RBCK1: variants seen among roughly 807,000 people sequenced by gnomAD.
RBCK1 encodes the protein RANBP2-type and C3HC4-type zinc finger containing 1, also known as ranBP-type and C3HC4-type zinc finger-containing protein 1.
In RBCK1, 44 loss-of-function variants were observed where a neutral mutation model predicts 71.1. The observed-to-expected ratio is 0.62, with a 90% CI of 0.49 to 0.80. RBCK1 has a LOEUF of 0.80. Among genes scored for constraint, RBCK1 ranks in the 30% least tolerant of loss-of-function variants. The probability of loss-of-function intolerance (pLI) is 0.00; values close to 1 mark genes in which losing one functional copy is unlikely to be tolerated. For missense variants in RBCK1, 569 were observed against 685.0 expected (o/e 0.83, Z 1.89); for synonymous variants, 306 against 279.7 (o/e 1.09, Z -0.94).
rs758447834 is a variant in RBCK1 at position 430,457 on chromosome 20, AC to A, written c.*30del. On this transcript the variant is annotated 3_prime_UTR_variant, in exon 12 of 12. Coordinates refer to ENST00000356286, the MANE Select transcript of RBCK1 (RefSeq NM_031229.4). The surrounding 1 kb of genome is among the most constrained non-coding windows in gnomAD (Gnocchi z 5.6). ...CTAAAGATGGTGGGGCCACATGCTG[AC>A]CCAGCCCCACATCCACATTCTGTTA... 1.5e-5 allele frequency: 23 copies of A among 1,565,036 alleles called. No homozygotes were observed. In the South Asian group the frequency reaches 2.4e-4, roughly 17 times the overall value.
In RBCK1 at chr20:430,574, GC is replaced by G; in HGVS notation, c.*148del. 1 of 771,724 alleles carries G rather than the reference GC, an allele frequency of 1.3e-6. No homozygotes were observed. The highest frequency in any genetic ancestry group is 1.7e-5 in the South Asian group (1 of 60,264). 47.8% of individuals were successfully genotyped at this position (771,724 alleles called of 1,614,324 possible). ...ACTGCGGTTGTCCACGGTCACATCT[GC>G]CCCAGTGCCTTTGTCCTTCCCTTGG... On this transcript the variant is annotated 3_prime_UTR_variant, in exon 12 of 12. Transcript: ENST00000356286. This position sits in a 1 kb window ranked among gnomAD's most constrained non-coding sequence, Gnocchi z 5.6.
intron 11 of RBCK1, 34 bp downstream of exon 11, chr20:429,128 G>A (rs367588385): frequency 1.9e-6 from 3 of 1,584,430 alleles, no homozygotes; most frequent in Non-Finnish European, 2.6e-6. Flanking sequence ...TGGAGAGGGT[G>A]CCCTTGTGGG....
chr20:420,587 C>G, intron 6 of RBCK1: 1 of 981,410 alleles, frequency 1.0e-6, no homozygotes, highest in Non-Finnish European at 1.2e-6. Flanking sequence ...GGCTACCTGG[C>G]CGGCCTCCCC....
chr20:427,287 G>C (rs2016777717), intron 8 of RBCK1, 26 bp from the exon 9 acceptor site: 1 of 1,610,620 alleles, frequency 6.2e-7, no homozygotes, highest in Non-Finnish European at 8.5e-7. Context: ...TGAATCCTGA[G>C]CAGCAAGGAC....
Position 429,004 on chromosome 20 carries a change from A to T in RBCK1, c.1362A>T (p.Val454=). ...AMRCPQCQIV[V]QKKDGCDWIR... ...GCTGCCCCCAGTGCCAGATCGTGGTACAGAAGAAGGACGGCTGCGACTGGA... is the reference window on the plus strand; with the variant it reads ...GCTGCCCCCAGTGCCAGATCGTGGTTCAGAAGAAGGACGGCTGCGACTGGA... The change falls in exon 11 of 12, where the codon GTA becomes GTT. Residue 454 remains valine (V), a synonymous_variant. Transcript: ENST00000356286. 6.2e-7 allele frequency: 1 copy of T among 1,612,228 alleles called. No individual in the cohort carries two copies.
intron 6 of RBCK1, chr20:420,545 C>T (rs2016328172): frequency 1.0e-6 from 1 of 983,726 alleles, no homozygotes. Flanking sequence ...CCTTACCTTG[C>T]TGCCATTGCT....
chr20:427,528 G>A (rs2016797031), intron 9 of RBCK1, 36 bp downstream of exon 9: 2 of 1,607,970 alleles, frequency 1.2e-6, no homozygotes, highest in Non-Finnish European at 1.7e-6. Flanking sequence ...CCTAGTCACT[G>A]TCATCTTGCC....
In RBCK1 at chr20:417,949, C is replaced by T; in HGVS notation, c.460+19C>T. 1.3e-6 allele frequency: 2 copies of T among 1,595,372 alleles called. No homozygotes were observed. Among genetic ancestry groups the T allele is most frequent in the Non-Finnish European group, 1.7e-6 (2 of 1,175,988 alleles). On this transcript the variant is annotated intron_variant, in intron 4 of 11. Transcript: ENST00000356286. This position sits in a 1 kb window ranked among gnomAD's most constrained non-coding sequence, Gnocchi z 4.7. ...CTGGAAGGTGAGGCTCTGCCCTGAG[C>T]ACCGCCGGACCCAGCGGGGGCCCTG...
rs941956795 is a variant in RBCK1 at position 431,783 on chromosome 20, G to A, written c.*1353G>A. Among the ~76,000 whole-genome samples the A allele has an allele frequency of 6.6e-6, 1 of 152,206 alleles. No homozygotes were observed. Among genetic ancestry groups the A allele is most frequent in the Non-Finnish European group, 1.5e-5 (1 of 68,036 alleles). ...GCTCAGGGCAGTCAACCGTCGCAGA[G>A]GATGAGGGGCACACTCAGGCAGCCT... On this transcript the variant is annotated 3_prime_UTR_variant, in exon 12 of 12. Coordinates refer to ENST00000356286, the MANE Select transcript of RBCK1 (RefSeq NM_031229.4). This position sits in a 1 kb window ranked among gnomAD's most constrained non-coding sequence, Gnocchi z 4.8.
rs375018967 is a variant in RBCK1, at chr20:419,417, C to G, written c.531C>G (p.Val177=). The G allele has an allele frequency of 1.9e-6, 3 of 1,609,468 alleles. No homozygotes were observed. The Admixed American group carries it at 5.1e-5, about 27-fold the overall frequency. ...AGCCAGGCCCCCCAAAGCCCGGGGT[C>G]CCCCAGGAACCCGGACGGGGGCAGC... ...PLEPGPPKPG[V]PQEPGRGQPD... The change falls in exon 5 of 12, where the codon GTC becomes GTG. Residue 177 remains valine, a synonymous_variant. Coordinates refer to ENST00000356286, the MANE Select transcript of RBCK1 (RefSeq NM_031229.4).
At chr20:418,081 A>G (rs1272020862) in intron 4 of RBCK1, 151 bp downstream of exon 4, 4 of 753,466 alleles carry the variant, frequency 5.3e-6, no homozygotes, top group South Asian at 2.0e-5. Flanking sequence ...CCTAAGACAC[A>G]TGGGAGGGAG....
chr20:420,422 G>T lies in RBCK1; in HGVS notation c.757-449G>T, dbSNP rs1351663219. 6.1e-6 allele frequency: 6 copies of T among 982,892 alleles called. No homozygotes were observed. The African/African-American group carries it at 8.9e-5, about 15-fold the overall frequency. The allele number at this position is 982,892 out of a possible 1,614,324, so 60.9% of individuals were successfully genotyped here. ...CCCTGGCCACCCCACTCCTGTTCCCGTCTCAGCTCCTCGGCTTCGTCACTT... is the reference window on the plus strand; with the variant it reads ...CCCTGGCCACCCCACTCCTGTTCCCTTCTCAGCTCCTCGGCTTCGTCACTT... On this transcript the variant is annotated intron_variant, in intron 6 of 11. Transcript: ENST00000356286.
At chr20:426,816 C>CTTTTTTTTTTTTTTTTTTTTTTTTTTTTT (rs768525416) in intron 8 of RBCK1, among the ~76,000 whole-genome samples, 1 of 95,508 alleles carries the variant, frequency 1.0e-5, no homozygotes, top group African/African-American at 5.3e-5. Flanking sequence ...TTTTCTTTTC[C>CTTTTTTTTTTTTTTTTTTTTTTTTTTTTT]TTTTTTTTTT....
chr20:418,426 T>C (rs1015184772), intron 4 of RBCK1, among the ~76,000 whole-genome samples: 3 of 152,140 alleles, frequency 2.0e-5, no homozygotes, highest in Non-Finnish European at 2.9e-5. Flanking sequence ...TGGAGTGCAG[T>C]GGCACAATCT....
chr20:421,022 C>G lies in RBCK1; in HGVS notation c.908C>G (p.Thr303Ser). The change falls in exon 7 of 12, where the codon ACC (threonine) becomes AGC (serine). Residue 303 changes from threonine to serine, a missense_variant. Thr to Ser is a moderately conservative substitution (Grantham distance 58, BLOSUM62 1). Coordinates refer to ENST00000356286, the MANE Select transcript of RBCK1 (RefSeq NM_031229.4). ...GTGGTGCTGCGTGAGTGTCTGCACA[C>G]CTTCTGCAGGTGCGGCCCCCAGTCC... Reference protein sequence around the residue: ...EAVVLRECLHTFCRECLQGTI... With the variant: ...EAVVLRECLHSFCRECLQGTI... 1.9e-6 allele frequency: 3 copies of G among 1,557,178 alleles called. No homozygotes were observed. The highest frequency in any genetic ancestry group is 2.6e-6 in the Non-Finnish European group (3 of 1,150,294).
At chr20:418,592 T>C (rs996655313) in intron 4 of RBCK1, among the ~76,000 whole-genome samples, 26 of 152,098 alleles carry the variant, frequency 1.7e-4, no homozygotes, top group Admixed American at 9.2e-4. Context: ...ATGGTCTCGA[T>C]CTCCTGACTT....
Position 427,372 on chromosome 20 carries a change from C to A in RBCK1, c.1089C>A (p.Asn363Lys). 1 of 1,614,168 alleles carries A rather than the reference C, an allele frequency of 6.2e-7. No homozygotes were observed. The highest frequency in any genetic ancestry group is 1.1e-5 in the South Asian group (1 of 91,080). ...ACCTGGGCATCTCCATTGCTGAAAA[C>A]CGCAGTGCCTTCAGCTACCATTGCA... The part of the protein sequence containing the change: ...FLDLGISIAE[N>K]RSAFSYHCKT... Residue 363 changes from asparagine (N) to lysine (K), a missense_variant, in exon 9 of 12, where the codon AAC becomes AAA. Asn to Lys is a moderately conservative substitution (Grantham distance 94). This residue lies in a region of RBCK1 where 211 missense variants were observed against 309.4 expected (regional missense o/e 0.68). Coordinates refer to ENST00000356286, the MANE Select transcript of RBCK1 (RefSeq NM_031229.4).
At chr20:420,823 C>T (rs1484318459) in intron 6 of RBCK1, 48 bp from the exon 7 acceptor site, 3 of 1,512,312 alleles carry the variant, frequency 2.0e-6, no homozygotes, top group African/African-American at 1.5e-5. Flanking sequence ...GGGTCTGACC[C>T]GCCCCCGAGG....
Position 417,515 on chromosome 20 carries a change from G to T in RBCK1, c.168-11G>T. 1 of 1,612,588 alleles carries T rather than the reference G, an allele frequency of 6.2e-7. No homozygotes were observed. The highest frequency in any genetic ancestry group is 8.5e-7 in the Non-Finnish European group (1 of 1,179,804). On this transcript the variant is annotated splice_polypyrimidine_tract_variant and intron_variant, in intron 2 of 11. Coordinates refer to ENST00000356286, the MANE Select transcript of RBCK1 (RefSeq NM_031229.4). This position sits in a 1 kb window ranked among gnomAD's most constrained non-coding sequence, Gnocchi z 4.7. ...CCAGAGCCCATGCTGAGCCCCTGCT[G>T]TTCTCTGCAGGCTGTGGGTGAGCGT...
Sources: allele counts gnomAD v4.1 joint callset (sites outside exome capture counted in the v4.1 genomes callset), GRCh38; gene constraint gnomAD v4.1.1; regional missense constraint gnomAD v4.1.1; non-coding constraint Gnocchi (gnomAD v3.1); transcripts MANE v1.5; gene names NCBI Gene and HGNC (gene_info 2026-07-23, HGNC 2026-07-21).